NBEA: variants seen among roughly 807,000 people sequenced by gnomAD.
NBEA encodes neurobeachin, also known as lysosomal-trafficking regulator 2.
Under a neutral mutation model 343.4 loss-of-function variants are expected in NBEA, and 44 were observed. The observed-to-expected ratio is 0.13, with a 90% CI of 0.10 to 0.16. NBEA has a LOEUF of 0.16. Ranked by LOEUF, NBEA falls within the 10% of genes least tolerant of loss-of-function variation. NBEA has a pLI of 1.00. For missense variants in NBEA, 2,555 were observed against 3,631.3 expected (o/e 0.70, Z 7.62); for synonymous variants, 1,175 against 1,238.7 (o/e 0.95, Z 1.08).
Position 35,281,882 on chromosome 13 carries a change from G to T in NBEA, c.5777-8507G>T, listed in dbSNP as rs188920701. ...TCGTGTATACACACTATGCTTAAAAGGATTTATATTTTATAGAATATAAAT... is the reference window on the plus strand; with the variant it reads ...TCGTGTATACACACTATGCTTAAAATGATTTATATTTTATAGAATATAAAT... On this transcript the variant is annotated intron_variant, in intron 34 of 58. Coordinates refer to ENST00000379939, the MANE Select transcript of NBEA (RefSeq NM_001385012.1). 1.5e-3 allele frequency among the ~76,000 whole-genome samples: 228 copies of T among 151,860 alleles called. 1 individual carries two copies. Among genetic ancestry groups the T allele is most frequent in the African/African-American group, 5.4e-3 (222 of 41,454 alleles).
intron 48 of NBEA, among the ~76,000 whole-genome samples, chr13:35,624,963 C>T (rs2083157652): frequency 6.6e-6 from 1 of 151,950 alleles, no homozygotes; most frequent in Non-Finnish European, 1.5e-5. Flanking sequence ...TAATACCATA[C>T]ATCTCTGAGA....
Position 35,541,310 on chromosome 13 carries a change from A to G in NBEA, c.6586-9167A>G, listed in dbSNP as rs998720451. Among the ~76,000 whole-genome samples the G allele has an allele frequency of 6.6e-5, 10 of 151,998 alleles. No homozygotes were observed. In the East Asian group the frequency reaches 1.2e-3, roughly 18 times the overall value. On this transcript the variant is annotated intron_variant, in intron 41 of 58. Transcript: ENST00000379939. ...TTCCCATTATTTGTGATTTTCCACC[A>G]AACTGTGAACTCCTAGAGATCAGGG... is the stretch of plus-strand genomic sequence containing the variant.
At chr13:35,315,654 G>A (rs1158368107) in intron 36 of NBEA, among the ~76,000 whole-genome samples, 5 of 152,032 alleles carry the variant, frequency 3.3e-5, no homozygotes, top group Non-Finnish European at 5.9e-5. Context: ...TAATATTTAT[G>A]TTTAGCACTG....
At chr13:35,427,579 C>G (rs1351222088) in intron 38 of NBEA, among the ~76,000 whole-genome samples, 1 of 152,200 alleles carries the variant, frequency 6.6e-6, no homozygotes, top group Non-Finnish European at 1.5e-5. Context: ...ACTCGGGGGT[C>G]AGGGACCCAC....
intron 41 of NBEA, among the ~76,000 whole-genome samples, chr13:35,485,962 T>G (rs2076289306): frequency 6.6e-6 from 1 of 152,070 alleles, no homozygotes. Context: ...GAGTGTGTAT[T>G]TGAACTCTGC....
chr13:34,957,927 A>C (rs190662350), intron 1 of NBEA, among the ~76,000 whole-genome samples: 1 of 152,202 alleles, frequency 6.6e-6, no homozygotes, highest in Admixed American at 6.5e-5. Flanking sequence ...CAGCTATACT[A>C]TCCAGTGTGG....
chr13:35,274,993 T>TG (rs2034472093), intron 34 of NBEA, among the ~76,000 whole-genome samples: 1 of 152,120 alleles, frequency 6.6e-6, no homozygotes, highest in Admixed American at 6.6e-5. Flanking sequence ...TTCAAAGAAT[T>TG]GGAAAAAAAG....
At chr13:35,510,939 T>C (rs2077251613) in intron 41 of NBEA, among the ~76,000 whole-genome samples, 1 of 152,196 alleles carries the variant, frequency 6.6e-6, no homozygotes, top group Non-Finnish European at 1.5e-5. Flanking sequence ...AAATTCATTT[T>C]CCTCATTTTA....
chr13:35,349,153 T>A lies in NBEA; in HGVS notation c.5949T>A (p.Asn1983Lys). The change falls in exon 37 of 59, where the codon AAT (asparagine) becomes AAA (lysine). Residue 1983 changes from asparagine (N) to lysine (K), a missense_variant. This residue lies in a region of NBEA where 84 missense variants were observed against 196.4 expected (regional missense o/e 0.43). Coordinates refer to ENST00000379939, the MANE Select transcript of NBEA (RefSeq NM_001385012.1). ...AGGACCATATAGTCCGTGTTGCAAA[T>A]GAAGCTGAGTTTATTTTGAACAGAC... ...AMKDHIVRVANEAEFILNRQR... is the reference protein window; with the variant it reads ...AMKDHIVRVAKEAEFILNRQR... 1 of 1,608,358 alleles carries A rather than the reference T, an allele frequency of 6.2e-7. No individual in the cohort carries two copies. Among genetic ancestry groups the A allele is most frequent in the Non-Finnish European group, 8.5e-7 (1 of 1,176,748 alleles).
At chr13:34,991,261 A>G (rs1472400382) in intron 1 of NBEA, among the ~76,000 whole-genome samples, 2 of 152,182 alleles carry the variant, frequency 1.3e-5, no homozygotes, top group African/African-American at 4.8e-5. Flanking sequence ...AATTTTCTGT[A>G]TTAACCCATT....
At chr13:35,585,588 A>T (rs956179323) in intron 46 of NBEA, among the ~76,000 whole-genome samples, 5 of 151,982 alleles carry the variant, frequency 3.3e-5, no homozygotes, top group African/African-American at 9.7e-5. Context: ...GTTACAAGCT[A>T]GTGATTTCCA....
intron 6 of NBEA, among the ~76,000 whole-genome samples, chr13:35,053,468 T>C (rs1566214576): frequency 6.6e-6 from 1 of 152,126 alleles, no homozygotes. Context: ...ATAGTCTTTC[T>C]TCTCTATTTG....
chr13:35,071,182 A>G (rs1325639424), intron 10 of NBEA, among the ~76,000 whole-genome samples: 2 of 152,068 alleles, frequency 1.3e-5, no homozygotes, highest in East Asian at 3.9e-4. Flanking sequence ...TGAATTGACC[A>G]TGAAACCCTG....
At chr13:35,078,503 A>G (rs1156781361) in intron 10 of NBEA, among the ~76,000 whole-genome samples, 1 of 152,170 alleles carries the variant, frequency 6.6e-6, no homozygotes, top group Non-Finnish European at 1.5e-5. Flanking sequence ...CTTCTGGTCA[A>G]ATGAGATGAA....
rs752357430 is a variant in NBEA at position 35,159,696 on chromosome 13, A to G, written c.3525A>G (p.Gln1175=). 2 of 1,612,982 alleles carry G rather than the reference A, an allele frequency of 1.2e-6. No homozygotes were observed. Among genetic ancestry groups the G allele is most frequent in the Non-Finnish European group, 1.7e-6 (2 of 1,179,514 alleles). Residue 1175 remains glutamine, a synonymous_variant, in exon 22 of 59, where the codon CAA becomes CAG. Transcript: ENST00000379939. ...TTATTCCAAATATTCAGGACACACAAGTACATCTTGGTGTTAGTGATGATC... is the reference window on the plus strand; with the variant it reads ...TTATTCCAAATATTCAGGACACACAGGTACATCTTGGTGTTAGTGATGATC... The part of the protein sequence containing the change: ...NHIIPNIQDT[Q]VHLGVSDDLG...
intron 6 of NBEA, among the ~76,000 whole-genome samples, chr13:35,051,155 G>A (rs983067787): frequency 2.6e-5 from 4 of 152,006 alleles, no homozygotes; most frequent in African/African-American, 9.7e-5. Context: ...CCAGGACAGA[G>A]TGCATAGGGG....
In NBEA at chr13:35,352,218, T is replaced by C; in HGVS notation, c.6074T>C (p.Ile2025Thr). 6.4e-7 allele frequency: 1 copy of C among 1,561,066 alleles called. No individual in the cohort carries two copies. Among genetic ancestry groups the C allele is most frequent in the Non-Finnish European group, 8.7e-7 (1 of 1,149,644 alleles). ...REEEKMCDHL[I>T]SAAKHRDHVT... The stretch of plus-strand genomic sequence containing the variant: ...GAAGAAAAGATGTGTGACCATCTTA[T>C]CAGTGCTGCTAAACATCGAGATCAT... Residue 2025 changes from isoleucine to threonine, a missense_variant, in exon 38 of 59, where the codon ATC becomes ACC. Around this residue, in one of 21 missense-constraint regions of NBEA, gnomAD observed 246 missense variants for 313.7 expected, o/e 0.78. Transcript: ENST00000379939.
intron 36 of NBEA, among the ~76,000 whole-genome samples, chr13:35,324,140 A>C (rs990332321): frequency 2.0e-5 from 3 of 152,188 alleles, no homozygotes; most frequent in Admixed American, 6.5e-5. Context: ...CAGGGGCTAC[A>C]CTAACAGGAA....
At chr13:35,051,768 G>T (rs1160708833) in intron 6 of NBEA, among the ~76,000 whole-genome samples, 2 of 151,972 alleles carry the variant, frequency 1.3e-5, no homozygotes, top group East Asian at 3.9e-4. Context: ...AATTTCAGTG[G>T]AATAGATTAG....
Sources: allele counts gnomAD v4.1 joint callset (sites outside exome capture counted in the v4.1 genomes callset), GRCh38; gene constraint gnomAD v4.1.1; regional missense constraint gnomAD v4.1.1; transcripts MANE v1.5; gene names NCBI Gene and HGNC (gene_info 2026-07-23, HGNC 2026-07-21).